Variants in PRKG1 observed in about 807,000 individuals in gnomAD.
The protein encoded by PRKG1 is cGMP-dependent protein kinase 1.
A neutral mutation model predicts 88.1 loss-of-function variants in PRKG1; 35 were observed. The observed-to-expected ratio is 0.40, with a 90% CI of 0.30 to 0.53. The LOEUF is 0.53. Among genes scored for constraint, PRKG1 ranks in the 20% least tolerant of loss-of-function variants. The pLI is 0.59. For missense variants in PRKG1, 540 were observed against 839.8 expected, an observed-to-expected ratio of 0.64 and a Z score of 4.41; for synonymous variants, 303 against 292.5, an observed-to-expected ratio of 1.04 and a Z score of -0.37.
intron 3 of PRKG1, among the ~76,000 whole-genome samples, chr10:51,742,077 G>T (rs925305834): frequency 1.3e-5 from 2 of 152,188 alleles, no homozygotes; most frequent in African/African-American, 4.8e-5. Flanking sequence ...TTGTGATCTT[G>T]TGAGATAACT....
intron 2 of PRKG1, among the ~76,000 whole-genome samples, chr10:51,251,448 A>G (rs1839425215): frequency 6.6e-6 from 1 of 151,812 alleles, no homozygotes. Context: ...AGCTTATTGT[A>G]TCTGCCAGGC....
intron 9 of PRKG1, among the ~76,000 whole-genome samples, chr10:52,216,287 A>T (rs1426453930): frequency 6.6e-6 from 1 of 152,178 alleles, no homozygotes; most frequent in African/African-American, 2.4e-5. Flanking sequence ...AACACAAGTG[A>T]CACTAAGCTT....
chr10:52,089,112 T>A (rs543592990), intron 7 of PRKG1, among the ~76,000 whole-genome samples: 3 of 152,308 alleles, frequency 2.0e-5, no homozygotes, highest in African/African-American at 7.2e-5. Context: ...TGAAATTATG[T>A]TAAATATCTG....
chr10:51,598,369 G>A (rs1473320669), intron 3 of PRKG1, among the ~76,000 whole-genome samples: 3 of 152,164 alleles, frequency 2.0e-5, no homozygotes, highest in African/African-American at 7.2e-5. Context: ...CGCCTCCCAA[G>A]TTCAAGAGAT....
intron 2 of PRKG1, among the ~76,000 whole-genome samples, chr10:51,191,780 T>C (rs74133522): frequency 0.053 from 8,036 of 151,836 alleles, 397 homozygotes; most frequent in African/African-American, 0.13. Context: ...AAGACTACAG[T>C]GCCTTAACTC....
At chr10:51,593,108 A>G (rs1036150694) in intron 3 of PRKG1, among the ~76,000 whole-genome samples, 2 of 152,238 alleles carry the variant, frequency 1.3e-5, no homozygotes. Context: ...GAGTGTAAGA[A>G]TAACTTAAGT....
At chr10:50,999,891 A>C (rs1347786156) in intron 1 of PRKG1, among the ~76,000 whole-genome samples, 1 of 152,214 alleles carries the variant, frequency 6.6e-6, no homozygotes, top group Non-Finnish European at 1.5e-5. Context: ...TACAGTAAAA[A>C]TTCCAGCCAA....
chr10:52,175,507 C>G (rs1188291098), intron 9 of PRKG1, among the ~76,000 whole-genome samples: 2 of 151,998 alleles, frequency 1.3e-5, no homozygotes, highest in Non-Finnish European at 2.9e-5. Context: ...TGGTTAAATG[C>G]CCAGTAGTGG....
intron 3 of PRKG1, among the ~76,000 whole-genome samples, chr10:51,469,763 G>A (rs1413217477): frequency 6.6e-6 from 1 of 151,806 alleles, no homozygotes; most frequent in Non-Finnish European, 1.5e-5. Flanking sequence ...GAATGCATCC[G>A]TGCATGTGTG....
chr10:51,483,352 G>A (rs116258816), intron 3 of PRKG1, among the ~76,000 whole-genome samples: 5,082 of 152,180 alleles, frequency 0.033, 256 homozygotes, highest in African/African-American at 0.11. Context: ...GTGCCCTTAT[G>A]CAGGGGTTTC....
intron 1 of PRKG1, among the ~76,000 whole-genome samples, chr10:51,083,771 C>A (rs938805407): frequency 8.5e-5 from 13 of 152,144 alleles, no homozygotes; most frequent in Non-Finnish European, 1.6e-4. Flanking sequence ...AATTCCTAAA[C>A]CCTGTGGTCA....
chr10:51,272,963 A>G (rs913837904), intron 2 of PRKG1, among the ~76,000 whole-genome samples: 5 of 152,234 alleles, frequency 3.3e-5, no homozygotes, highest in Non-Finnish European at 7.3e-5. Context: ...GAAAGTAGCC[A>G]TATCAAAATT....
At chr10:51,760,471 C>CA (rs1837988516) in intron 3 of PRKG1, among the ~76,000 whole-genome samples, 2 of 114,512 alleles carry the variant, frequency 1.7e-5, no homozygotes, top group African/African-American at 3.0e-5. Flanking sequence ...CTTGACTTTT[C>CA]GTTTTTTTTT....
intron 2 of PRKG1, among the ~76,000 whole-genome samples, chr10:51,292,075 G>T (rs1411179960): frequency 6.6e-6 from 1 of 152,148 alleles, no homozygotes; most frequent in Non-Finnish European, 1.5e-5. Flanking sequence ...CAACATAGCA[G>T]TTATTCAATT....
At chr10:52,068,323 G>C (rs1418613619) in intron 7 of PRKG1, among the ~76,000 whole-genome samples, 2 of 151,814 alleles carry the variant, frequency 1.3e-5, no homozygotes, top group Admixed American at 6.6e-5. Flanking sequence ...CCAGTGATAG[G>C]AAATATGGTA....
intron 10 of PRKG1, among the ~76,000 whole-genome samples, chr10:52,261,940 C>T (rs1426885978): frequency 1.3e-5 from 2 of 152,054 alleles, no homozygotes; most frequent in East Asian, 1.9e-4. Context: ...CTGGCTTCTC[C>T]TGAACAAGTG....
chr10:52,256,864 G>A, intron 10 of PRKG1, among the ~76,000 whole-genome samples: 1 of 139,170 alleles, frequency 7.2e-6, no homozygotes, highest in Non-Finnish European at 1.6e-5. Context: ...TGTCATGAGA[G>A]GAGATGGGAA....
intron 3 of PRKG1, among the ~76,000 whole-genome samples, chr10:51,587,689 G>A (rs1344504199): frequency 2.0e-5 from 3 of 152,118 alleles, no homozygotes; most frequent in Non-Finnish European, 4.4e-5. Flanking sequence ...CAATCCATTG[G>A]CAGCATAGTA....
At chr10:51,281,777 T>G (rs891248511) in intron 2 of PRKG1, among the ~76,000 whole-genome samples, 2 of 152,164 alleles carry the variant, frequency 1.3e-5, no homozygotes, top group Non-Finnish European at 2.9e-5. Context: ...GCAGAAATGT[T>G]ATGGACCAGA....
Sources: allele counts gnomAD v4.1 joint callset (sites outside exome capture counted in the v4.1 genomes callset), GRCh38; gene constraint gnomAD v4.1.1; transcripts MANE v1.5; gene names NCBI Gene and HGNC (gene_info 2026-07-23, HGNC 2026-07-21).